Variants in TMEM132C observed in about 807,000 individuals in gnomAD.
TMEM132C encodes transmembrane protein 132C, also known as protein phosphatase 1, regulatory subunit 152.
Under a neutral mutation model 61.4 loss-of-function variants are expected in TMEM132C, and 29 were observed. The observed-to-expected ratio is 0.47, with a 90% CI of 0.35 to 0.64. The LOEUF (loss-of-function observed/expected upper bound fraction) is 0.64, where lower values mean the gene tolerates loss of function less well. TMEM132C is among the 30% of genes least tolerant of loss of function. The pLI is 0.00. For synonymous variants in TMEM132C, 656 were observed against 633.1 expected (o/e 1.04, Z -0.54); for missense variants, 1,408 against 1,476.9 (o/e 0.95, Z 0.76).
At chr12:128,669,148 G>T (rs1954505532) in intron 4 of TMEM132C, among the ~76,000 whole-genome samples, 1 of 152,096 alleles carries the variant, frequency 6.6e-6, no homozygotes, top group South Asian at 2.1e-4. Context: ...CTGCAATAAA[G>T]AAAAAGAATA....
At chr12:128,574,123 C>G (rs1005334255) in intron 3 of TMEM132C, among the ~76,000 whole-genome samples, 3 of 152,172 alleles carry the variant, frequency 2.0e-5, no homozygotes, top group Admixed American at 6.5e-5. Flanking sequence ...CACAGCTGGG[C>G]CCTGGGCCAG....
At chr12:128,576,446 C>T (rs1387143498) in intron 3 of TMEM132C, among the ~76,000 whole-genome samples, 3 of 152,148 alleles carry the variant, frequency 2.0e-5, no homozygotes, top group Non-Finnish European at 4.4e-5. Flanking sequence ...TAAAACAGCC[C>T]GTGAGTGGGC....
chr12:128,565,094 C>G (rs973260972), intron 3 of TMEM132C, among the ~76,000 whole-genome samples: 1 of 152,210 alleles, frequency 6.6e-6, no homozygotes. Context: ...TTATGTGTTG[C>G]TAGCAGACTC....
chr12:128,269,892 C>T (rs962095314), intron 1 of TMEM132C, among the ~76,000 whole-genome samples: 2 of 151,722 alleles, frequency 1.3e-5, no homozygotes, highest in Non-Finnish European at 2.9e-5. Context: ...TCCTTGAAAC[C>T]ACTGATTAAT....
chr12:128,380,133 A>C (rs1874352874), intron 1 of TMEM132C, among the ~76,000 whole-genome samples: 1 of 152,248 alleles, frequency 6.6e-6, no homozygotes, highest in South Asian at 2.1e-4. Flanking sequence ...CACCGTATTA[A>C]AACAACATGC....
chr12:128,417,017 G>A (rs148810138), intron 2 of TMEM132C, among the ~76,000 whole-genome samples: 3 of 152,262 alleles, frequency 2.0e-5, no homozygotes, highest in East Asian at 3.9e-4. Flanking sequence ...TCAGCGTATC[G>A]GCGGCTTATT....
At chr12:128,516,339 G>T (rs534562288) in intron 2 of TMEM132C, among the ~76,000 whole-genome samples, 2 of 152,126 alleles carry the variant, frequency 1.3e-5, no homozygotes, top group South Asian at 2.1e-4. Context: ...TCTCACGTGC[G>T]TTAGGCTGGG....
At chr12:128,344,234 G>T (rs1713625) in intron 1 of TMEM132C, among the ~76,000 whole-genome samples, 134,102 of 152,168 alleles carry the variant, frequency 0.88, 59,873 homozygotes, top group East Asian at 0.97. Context: ...CTAGGCTCAC[G>T]GCAAGCTCCG....
In TMEM132C at chr12:128,296,013, C is replaced by T. The variant is rs559923686; in HGVS notation, c.85+28526C>T. Among the ~76,000 whole-genome samples, 8 of 152,266 alleles carry T rather than the reference C, an allele frequency of 5.3e-5. No individual in the cohort carries two copies. In the South Asian group the frequency reaches 1.7e-3, roughly 32 times the overall value. On this transcript the variant is annotated intron_variant, in intron 1 of 8. Transcript: ENST00000435159. ...GAGTGAACATTGGTTTTCTCTGTAC[C>T]TCCCCTTGCCTCCCTTTCTTCCTAG...
chr12:128,309,696 A>G (rs746242197), intron 1 of TMEM132C, among the ~76,000 whole-genome samples: 11 of 151,900 alleles, frequency 7.2e-5, no homozygotes, highest in Non-Finnish European at 1.2e-4. Flanking sequence ...TCTGTGCTGT[A>G]AAATATATCA....
At chr12:128,384,868 A>G (rs1298861897) in intron 1 of TMEM132C, among the ~76,000 whole-genome samples, 2 of 152,118 alleles carry the variant, frequency 1.3e-5, no homozygotes, top group Admixed American at 6.5e-5. Flanking sequence ...CTCATGCCAA[A>G]TGCCATGTAA....
At chr12:128,469,748 GTA>G (rs1018875010) in intron 2 of TMEM132C, among the ~76,000 whole-genome samples, 2 of 150,914 alleles carry the variant, frequency 1.3e-5, no homozygotes, top group African/African-American at 4.9e-5. Context: ...TTATGTGTGT[GTA>G]TATATATACA....
chr12:128,504,924 T>C (rs545777404), intron 2 of TMEM132C, among the ~76,000 whole-genome samples: 1 of 137,308 alleles, frequency 7.3e-6, no homozygotes, highest in Non-Finnish European at 1.7e-5. Flanking sequence ...ATAGCTAGTA[T>C]GATAGAAAAA....
intron 1 of TMEM132C, among the ~76,000 whole-genome samples, chr12:128,381,225 TGGG>T (rs1479754062): frequency 6.6e-6 from 1 of 152,194 alleles, no homozygotes; most frequent in African/African-American, 2.4e-5. Flanking sequence ...ACCGCCTTAT[TGGG>T]GGAATGCCCG....
intron 1 of TMEM132C, among the ~76,000 whole-genome samples, chr12:128,342,151 G>T (rs1411943176): frequency 6.6e-6 from 1 of 152,068 alleles, no homozygotes; most frequent in Non-Finnish European, 1.5e-5. Context: ...TGGGACTACA[G>T]GTGCACAACA....
At chr12:128,498,585 G>A (rs920851276) in intron 2 of TMEM132C, among the ~76,000 whole-genome samples, 3 of 152,024 alleles carry the variant, frequency 2.0e-5, no homozygotes, top group Non-Finnish European at 4.4e-5. Context: ...TGAGGCAAGA[G>A]AATTGCTTGA....
At chr12:128,627,158 G>A (rs754182160) in intron 4 of TMEM132C, among the ~76,000 whole-genome samples, 13 of 152,212 alleles carry the variant, frequency 8.5e-5, no homozygotes, top group Non-Finnish European at 1.6e-4. Flanking sequence ...GCTGACAGCT[G>A]CGTTCCCTGC....
intron 1 of TMEM132C, among the ~76,000 whole-genome samples, chr12:128,349,942 C>T (rs1044501393): frequency 4.8e-5 from 7 of 144,850 alleles, no homozygotes; most frequent in Non-Finnish European, 7.6e-5. Context: ...CACACACACA[C>T]GTGCAAGCAT....
intron 1 of TMEM132C, among the ~76,000 whole-genome samples, chr12:128,276,477 G>A (rs866882613): frequency 6.6e-6 from 1 of 152,158 alleles, no homozygotes; most frequent in Middle Eastern, 3.2e-3. Flanking sequence ...ACCACTTCAT[G>A]CTTAACTACA....
Sources: allele counts gnomAD v4.1 joint callset (sites outside exome capture counted in the v4.1 genomes callset), GRCh38; gene constraint gnomAD v4.1.1; transcripts MANE v1.5; gene names NCBI Gene and HGNC (gene_info 2026-07-23, HGNC 2026-07-21).